Variants in LTBP1 observed in about 807,000 individuals in gnomAD.
The protein encoded by LTBP1 is latent transforming growth factor beta binding protein 1, also known as latent-transforming growth factor beta-binding protein 1.
LTBP1 carries 129 observed loss-of-function variants against 207.6 expected under a neutral mutation model. The ratio of observed to expected loss-of-function variants is 0.62; its 90% CI spans 0.54 to 0.72. The LOEUF (loss-of-function observed/expected upper bound fraction) is 0.72, where lower values mean the gene tolerates loss of function less well. Among genes scored for constraint, LTBP1 ranks in the 30% least tolerant of loss-of-function variants. LTBP1 has a pLI of 0.00. For synonymous variants in LTBP1, 963 were observed against 833.7 expected, an observed-to-expected ratio of 1.16 and a Z score of -2.67; for missense variants, 2,281 against 2,217.2, an observed-to-expected ratio of 1.03 and a Z score of -0.58.
chr2:33,341,729 A>AATATATATATATATATATATAT (rs56171359), intron 24 of LTBP1, among the ~76,000 whole-genome samples: 31 of 93,616 alleles, frequency 3.3e-4, no homozygotes, highest in Non-Finnish European at 4.2e-4. Context: ...AAAAAAAAAA[A>AATATATATATATATATATATAT]ATATATATAT....
intron 5 of LTBP1, among the ~76,000 whole-genome samples, chr2:33,146,432 C>T (rs1219565714): frequency 2.6e-5 from 4 of 152,200 alleles, no homozygotes; most frequent in South Asian, 2.1e-4. Context: ...ATGGGCAGAG[C>T]GGAGGGTGGA....
intron 2 of LTBP1, among the ~76,000 whole-genome samples, chr2:32,974,328 T>TA (rs1278858914): frequency 2.6e-5 from 4 of 152,254 alleles, no homozygotes; most frequent in African/African-American, 9.6e-5. Context: ...TAGTTTTGAT[T>TA]AGCATTTCTC....
chr2:33,235,984 A>G (rs1418406621), intron 9 of LTBP1, among the ~76,000 whole-genome samples: 3 of 152,180 alleles, frequency 2.0e-5, no homozygotes, highest in Non-Finnish European at 2.9e-5. Flanking sequence ...GCAAACCACT[A>G]TGGCACTTGT....
intron 2 of LTBP1, among the ~76,000 whole-genome samples, chr2:32,994,475 T>C (rs1479274464): frequency 3.9e-5 from 6 of 151,984 alleles, no homozygotes; most frequent in Admixed American, 3.3e-4. Context: ...GAGTCTTTTT[T>C]TTTTTTTTGA....
At position 33,262,776 on chromosome 2, in the gene LTBP1, C is replaced by T. The variant is rs773221015; in HGVS notation, c.2473C>T (p.Leu825=). ...KTKLEPGQPQ[L]SPGISTIHLH... Reference sequence around the variant, plus strand: ...CAAACTTGAGCCTGGTCAACCCCAGCTGTCTCCAGGCATTTCCACTATTCA... The same window carrying T: ...CAAACTTGAGCCTGGTCAACCCCAGTTGTCTCCAGGCATTTCCACTATTCA... The change falls in exon 14 of 34, where the codon CTG becomes TTG. Residue 825 remains leucine (L), a synonymous_variant. Coordinates refer to ENST00000404816, the MANE Select transcript of LTBP1 (RefSeq NM_206943.4). 1 of 1,607,364 alleles carries T rather than the reference C, an allele frequency of 6.2e-7. No homozygotes were observed. Among genetic ancestry groups the T allele is most frequent in the Non-Finnish European group, 8.5e-7 (1 of 1,175,810 alleles).
At chr2:33,344,977 A>G (rs148971294) in intron 25 of LTBP1, among the ~76,000 whole-genome samples, 7 of 152,312 alleles carry the variant, frequency 4.6e-5, no homozygotes, top group Admixed American at 2.0e-4. Flanking sequence ...TCAGCTTGGC[A>G]CACAAAACAC....
chr2:33,372,126 T>C (rs2095076112), intron 31 of LTBP1, among the ~76,000 whole-genome samples: 1 of 152,170 alleles, frequency 6.6e-6, no homozygotes, highest in Admixed American at 6.5e-5. Flanking sequence ...TGACAGAGGA[T>C]CTGAGGCACA....
intron 2 of LTBP1, among the ~76,000 whole-genome samples, chr2:32,986,538 T>C (rs1399086059): frequency 6.6e-6 from 1 of 152,184 alleles, no homozygotes; most frequent in Non-Finnish European, 1.5e-5. Context: ...TTTGCAGGGC[T>C]CAGTGCACAA....
intron 2 of LTBP1, among the ~76,000 whole-genome samples, chr2:32,982,895 G>A (rs1682984786): frequency 6.6e-6 from 1 of 152,224 alleles, no homozygotes; most frequent in South Asian, 2.1e-4. Flanking sequence ...GAGAACCTCT[G>A]TTACGGCAGT....
At chr2:33,320,170 GC>G (rs2094333730) in intron 24 of LTBP1, among the ~76,000 whole-genome samples, 1 of 151,974 alleles carries the variant, frequency 6.6e-6, no homozygotes, top group Admixed American at 6.6e-5. Context: ...GGAGTTCGAG[GC>G]CAGCTTGGCC....
chr2:33,198,857 A>T (rs1181021575), intron 7 of LTBP1, among the ~76,000 whole-genome samples: 1 of 152,076 alleles, frequency 6.6e-6, no homozygotes, highest in Non-Finnish European at 1.5e-5. Context: ...CAGCTCCTGG[A>T]TTCATTAATT....
intron 3 of LTBP1, among the ~76,000 whole-genome samples, chr2:33,042,388 G>GT (rs1382875494): frequency 4.6e-5 from 7 of 152,162 alleles, no homozygotes; most frequent in African/African-American, 1.2e-4. Flanking sequence ...TGAAGATGAG[G>GT]TTTTTTCTGT....
At chr2:33,237,186 T>G (rs538520087) in intron 9 of LTBP1, among the ~76,000 whole-genome samples, 70 of 152,268 alleles carry the variant, frequency 4.6e-4, no homozygotes, top group African/African-American at 1.6e-3. Context: ...TGTTAATAGA[T>G]TGTGTGTTAA....
At chr2:33,392,046 C>T (rs992031665) in intron 32 of LTBP1, among the ~76,000 whole-genome samples, 1 of 152,168 alleles carries the variant, frequency 6.6e-6, no homozygotes, top group African/African-American at 2.4e-5. Context: ...GTAACATAGA[C>T]GGAGGCTGAG....
intron 5 of LTBP1, among the ~76,000 whole-genome samples, chr2:33,182,925 A>C (rs1428670767): frequency 6.7e-6 from 1 of 149,108 alleles, no homozygotes; most frequent in Non-Finnish European, 1.5e-5. Context: ...GAAATGAAAA[A>C]AATAGTACAG....
At position 33,021,187 on chromosome 2, in the gene LTBP1, C is replaced by A; in HGVS notation, c.844C>A (p.Pro282Thr). The A allele has an allele frequency of 6.3e-7, 1 of 1,599,266 alleles. No homozygotes were observed. Among genetic ancestry groups the A allele is most frequent in the Non-Finnish European group, 8.5e-7 (1 of 1,169,824 alleles). ...TLKPKPSVGL[P>T]QQIHSQVTPL... ...CAAGCCGAAGCCTTCAGTGGGACTC[C>A]CCCAGCAGATACATTCTCAGTGAGT... Residue 282 changes from proline to threonine, a missense_variant, in exon 3 of 34, where the codon CCC (proline) becomes ACC (threonine). Physicochemically the swap from Pro to Thr is conservative, Grantham distance 38. Coordinates refer to ENST00000404816, the MANE Select transcript of LTBP1 (RefSeq NM_206943.4).
intron 24 of LTBP1, among the ~76,000 whole-genome samples, chr2:33,339,371 G>A (rs7581438): frequency 0.33 from 49,412 of 151,946 alleles, 8,996 homozygotes; most frequent in Non-Finnish European, 0.41. Context: ...AAGTATTTCC[G>A]AGTTTCTTTC....
intron 2 of LTBP1, among the ~76,000 whole-genome samples, chr2:32,993,207 A>G (rs1684691546): frequency 6.6e-6 from 1 of 152,012 alleles, no homozygotes; most frequent in African/African-American, 2.4e-5. Flanking sequence ...GTCCTTGATC[A>G]TGTAGAGCCT....
chr2:33,018,664 A>T (rs763247748), intron 2 of LTBP1, among the ~76,000 whole-genome samples: 2 of 152,182 alleles, frequency 1.3e-5, no homozygotes, highest in Non-Finnish European at 2.9e-5. Flanking sequence ...GGAAACTCTG[A>T]TAGTTAGAAT....
Sources: allele counts gnomAD v4.1 joint callset (sites outside exome capture counted in the v4.1 genomes callset), GRCh38; gene constraint gnomAD v4.1.1; transcripts MANE v1.5; gene names NCBI Gene and HGNC (gene_info 2026-07-23, HGNC 2026-07-21).